NCKAP5: variants seen among roughly 807,000 people sequenced by gnomAD.
The protein encoded by NCKAP5 is nck-associated protein 5.
A neutral mutation model predicts 167.0 loss-of-function variants in NCKAP5; 92 were observed. That is an observed-to-expected ratio of 0.55 (90% confidence interval 0.47 to 0.66). NCKAP5 has a LOEUF of 0.66. NCKAP5 is among the 30% of genes least tolerant of loss of function. The pLI is 0.00. For missense variants in NCKAP5, 2,378 were observed against 2,315.0 expected, an observed-to-expected ratio of 1.03 and a Z score of -0.56; for synonymous variants, 891 against 877.4, an observed-to-expected ratio of 1.02 and a Z score of -0.27.
chr2:133,335,557 C>T (rs962029542), intron 3 of NCKAP5, among the ~76,000 whole-genome samples: 1 of 152,072 alleles, frequency 6.6e-6, no homozygotes, highest in African/African-American at 2.4e-5. Context: ...TTAAATCCGC[C>T]ACTTGTTCTA....
At chr2:133,632,015 C>T in the NCKAP5 span, among the ~76,000 whole-genome samples, 1 of 152,306 alleles carries the variant, frequency 6.6e-6, no homozygotes, top group African/African-American at 2.4e-5. Flanking sequence ...TCTAGACACA[C>T]CACAGCCTGG....
At chr2:133,188,958 GAC>G (rs1220628809) in intron 5 of NCKAP5, among the ~76,000 whole-genome samples, 1 of 152,012 alleles carries the variant, frequency 6.6e-6, no homozygotes, top group Non-Finnish European at 1.5e-5. Context: ...AGGAGATAGA[GAC>G]ACAAAAAACT....
At chr2:132,869,927 G>A (rs79160106) in intron 9 of NCKAP5, among the ~76,000 whole-genome samples, 1,571 of 152,222 alleles carry the variant, frequency 0.01, 27 homozygotes, top group African/African-American at 0.036. Context: ...TTCTTCCAGC[G>A]AACAACAAAA....
intron 4 of NCKAP5, among the ~76,000 whole-genome samples, chr2:133,214,342 C>T (rs1176555257): frequency 6.6e-6 from 1 of 151,976 alleles, no homozygotes; most frequent in African/African-American, 2.4e-5. Flanking sequence ...AAACTGAGGC[C>T]CAAAAAGGCT....
At chr2:132,926,411 T>G (rs1695894306) in intron 8 of NCKAP5, among the ~76,000 whole-genome samples, 1 of 152,232 alleles carries the variant, frequency 6.6e-6, no homozygotes. Context: ...CTGGGTCAAA[T>G]GGTAGTTCTA....
intron 6 of NCKAP5, among the ~76,000 whole-genome samples, chr2:133,023,559 C>T (rs1343200149): frequency 1.3e-5 from 2 of 152,144 alleles, no homozygotes; most frequent in Non-Finnish European, 1.5e-5. Context: ...AGGTACTGAG[C>T]GTATTACCCA....
At chr2:132,958,157 G>T (rs1194398087) in intron 8 of NCKAP5, among the ~76,000 whole-genome samples, 1 of 152,084 alleles carries the variant, frequency 6.6e-6, no homozygotes, top group Non-Finnish European at 1.5e-5. Context: ...ACAGGGTTAC[G>T]AACATGAAAA....
chr2:133,203,824 A>T (rs972443684), intron 5 of NCKAP5, among the ~76,000 whole-genome samples: 1 of 152,216 alleles, frequency 6.6e-6, no homozygotes, highest in African/African-American at 2.4e-5. Context: ...AAACCATTCC[A>T]ACTTTTGAAA....
chr2:132,844,008 T>A (rs1688486098), intron 11 of NCKAP5, among the ~76,000 whole-genome samples: 1 of 151,850 alleles, frequency 6.6e-6, no homozygotes, highest in Non-Finnish European at 1.5e-5. Flanking sequence ...CCTTTCCCCT[T>A]CCAGAAATCT....
chr2:133,099,175 T>C (rs979527249), intron 6 of NCKAP5, among the ~76,000 whole-genome samples: 2 of 152,078 alleles, frequency 1.3e-5, no homozygotes, highest in African/African-American at 4.8e-5. Context: ...TGCAAATGAA[T>C]GAAAAATGTA....
intron 5 of NCKAP5, among the ~76,000 whole-genome samples, chr2:133,131,839 T>C (rs577126295): frequency 2.2e-4 from 33 of 152,264 alleles, no homozygotes; most frequent in African/African-American, 7.9e-4. Context: ...TATAATAAAA[T>C]AAACTCTTTA....
chr2:133,059,679 A>G (rs2079928004), intron 6 of NCKAP5, among the ~76,000 whole-genome samples: 1 of 152,082 alleles, frequency 6.6e-6, no homozygotes, highest in African/African-American at 2.4e-5. Flanking sequence ...ATTTCAAAAA[A>G]AAAAAAGAAA....
intron 2 of NCKAP5, among the ~76,000 whole-genome samples, chr2:133,537,650 C>G (rs1358367139): frequency 6.6e-6 from 1 of 151,760 alleles, no homozygotes; most frequent in South Asian, 2.1e-4. Flanking sequence ...TTCGTATTTC[C>G]TTCATTCATT....
At chr2:133,654,560 A>C in the NCKAP5 span, among the ~76,000 whole-genome samples, 97 of 152,260 alleles carry the variant, frequency 6.4e-4, 1 homozygote, top group East Asian at 0.018. Flanking sequence ...TCTGAAAAGG[A>C]AACTTTCTGT....
the NCKAP5 span, among the ~76,000 whole-genome samples, chr2:133,646,180 A>G: frequency 6.6e-6 from 1 of 152,260 alleles, no homozygotes; most frequent in East Asian, 1.9e-4. Flanking sequence ...AAAGGTACAG[A>G]CAGATTAATG....
intron 3 of NCKAP5, among the ~76,000 whole-genome samples, chr2:133,373,390 T>C (rs865925356): frequency 3.3e-5 from 5 of 152,126 alleles, no homozygotes; most frequent in African/African-American, 1.2e-4. Flanking sequence ...CAGGGAAAAC[T>C]ACAACTCTGA....
At chr2:132,795,692 G>A (rs1021086766) in intron 12 of NCKAP5, among the ~76,000 whole-genome samples, 4 of 151,582 alleles carry the variant, frequency 2.6e-5, no homozygotes, top group African/African-American at 7.3e-5. Flanking sequence ...GGCGGCGGGC[G>A]CCTATAATCC....
intron 5 of NCKAP5, among the ~76,000 whole-genome samples, chr2:133,190,927 T>C (rs902009747): frequency 6.6e-6 from 1 of 152,088 alleles, no homozygotes; most frequent in Non-Finnish European, 1.5e-5. Flanking sequence ...AAATGGGATC[T>C]CATTAAACTA....
At chr2:133,078,892 A>G (rs1364252829) in intron 6 of NCKAP5, among the ~76,000 whole-genome samples, 2 of 152,162 alleles carry the variant, frequency 1.3e-5, no homozygotes, top group Non-Finnish European at 1.5e-5. Context: ...ATGGAAAGAC[A>G]TACAGTCTAG....
Sources: gnomAD v4.1 joint callset for allele counts (sites outside exome capture counted in the v4.1 genomes callset) on GRCh38, gnomAD v4.1.1 for gene constraint, MANE v1.5 for transcripts, NCBI Gene and HGNC (gene_info 2026-07-23, HGNC 2026-07-21) for gene names.